KLC1: variants seen among roughly 807,000 people sequenced by gnomAD.
KLC1 encodes kinesin light chain 1, also known as kinesin 2 60/70kDa.
A neutral mutation model predicts 84.2 loss-of-function variants in KLC1; 30 were observed. The ratio of observed to expected loss-of-function variants is 0.36; its 90% CI spans 0.27 to 0.48. KLC1 has a LOEUF of 0.48. Ranked by LOEUF, KLC1 falls within the 20% of genes least tolerant of loss-of-function variation. The pLI is 0.99. For synonymous variants in KLC1, 289 were observed against 293.3 expected (o/e 0.99, Z 0.15); for missense variants, 499 against 805.4 (o/e 0.62, Z 4.60).
Position 103,694,544 on chromosome 14 carries a change from C to T in KLC1, c.1848+2119C>T, listed in dbSNP as rs1028548807. On this transcript the variant is annotated intron_variant, in intron 15 of 16. Transcript: ENST00000334553. This position sits in a 1 kb window ranked among gnomAD's most constrained non-coding sequence, Gnocchi z 4.5. ...TCAAATCAATGCTGAGGCTGTATTT[C>T]TTAGCCGTCCACAAACTAGTCCATA... 2.0e-6 allele frequency: 2 copies of T among 985,504 alleles called. No individual in the cohort carries two copies. Among genetic ancestry groups the T allele is most frequent in the East Asian group, 2.3e-4 (2 of 8,818 alleles). The allele number at this position is 985,504 out of a possible 1,614,324, so 61.0% of individuals were successfully genotyped here. A position where few individuals can be genotyped will look rare whatever the true frequency, so the allele number is the denominator to read the frequency against.
chr14:103,699,357 T>C (rs1370603909), intron 15 of KLC1: 14 of 1,598,118 alleles, frequency 8.8e-6, no homozygotes, highest in Non-Finnish European at 1.1e-5. Context: ...CCTGCCTTGG[T>C]GCTCACCTGG....
intron 2 of KLC1, among the ~76,000 whole-genome samples, chr14:103,655,417 C>T (rs2078757687): frequency 6.6e-6 from 1 of 151,644 alleles, no homozygotes; most frequent in Non-Finnish European, 1.5e-5. Context: ...ATTCTCCTGC[C>T]TCAGCCTCCC....
intron 2 of KLC1, 56 bp from the exon 3 acceptor site, chr14:103,657,490 G>C: frequency 7.1e-7 from 1 of 1,418,210 alleles, no homozygotes. Context: ...GCACGGGTGG[G>C]AGGGACTCTT....
chr14:103,630,472 C>T (rs2076588698), intron 1 of KLC1, among the ~76,000 whole-genome samples: 1 of 152,094 alleles, frequency 6.6e-6, no homozygotes, highest in African/African-American at 2.4e-5. Flanking sequence ...TATACTATTT[C>T]AGGTGTTCTG....
At chr14:103,685,076 C>T (rs2081671823) in intron 13 of KLC1, 48 of 1,541,930 alleles carry the variant, frequency 3.1e-5, no homozygotes, top group Non-Finnish European at 4.1e-5. Flanking sequence ...TGCCGTCTGG[C>T]GCTTCTGTCG....
chr14:103,672,910 C>T (rs768314846), intron 7 of KLC1, 104 bp from the exon 8 acceptor site: 66 of 977,654 alleles, frequency 6.8e-5, no homozygotes, highest in Non-Finnish European at 9.7e-5. Flanking sequence ...AAGTGTAGCA[C>T]AGTCGTGCTT....
rs1734806 is a variant in KLC1 at position 103,696,106 on chromosome 14, C to T, written c.1848+3681C>T. 1.7e-5 allele frequency: 11 copies of T among 663,512 alleles called. No homozygotes were observed. The South Asian group carries it at 4.1e-4, about 24-fold the overall frequency. The allele number at this position is 663,512 out of a possible 1,614,324, so 41.1% of individuals were successfully genotyped here. A position where few individuals can be genotyped will look rare whatever the true frequency, so the allele number is the denominator to read the frequency against. On this transcript the variant is annotated intron_variant, in intron 15 of 16. Coordinates refer to ENST00000334553, the MANE Select transcript of KLC1 (RefSeq NM_001394837.1). Reference sequence around the variant, plus strand: ...ATAATCACTGCGCCCCCGCCCCCCGCCCCCCCCCACAGCAGCCGTGTGTGC... The same window carrying T: ...ATAATCACTGCGCCCCCGCCCCCCGTCCCCCCCCACAGCAGCCGTGTGTGC...
At chr14:103,675,486 A>G in intron 9 of KLC1, 66 bp from the exon 10 acceptor site, 1 of 1,384,648 alleles carries the variant, frequency 7.2e-7, no homozygotes, top group East Asian at 2.3e-5. Context: ...TTCCCCTTAG[A>G]GCAGTTCAGA....
chr14:103,679,920 C>T (rs1002572598), intron 13 of KLC1: 2 of 182,552 alleles, frequency 1.1e-5, no homozygotes, highest in Non-Finnish European at 2.3e-5. Context: ...ACTTCACTGA[C>T]CAGGCTGCTC....
Position 103,673,443 on chromosome 14 carries a change from A to G in KLC1, c.1261+12A>G. The G allele has an allele frequency of 6.7e-7, 1 of 1,495,850 alleles. No individual in the cohort carries two copies. Among genetic ancestry groups the G allele is most frequent in the South Asian group, 1.2e-5 (1 of 83,970 alleles). The allele number at this position is 1,495,850 out of a possible 1,614,324, so 92.7% of individuals were successfully genotyped here. A position where few individuals can be genotyped will look rare whatever the true frequency, so the allele number is the denominator to read the frequency against. On this transcript the variant is annotated intron_variant, in intron 9 of 16. Coordinates refer to ENST00000334553, the MANE Select transcript of KLC1 (RefSeq NM_001394837.1). ...TGGTTCTGTAGATGGTAAGAAATAT[A>G]CTCCCGTTTCAAGTGAATTTAATTG...
Position 103,693,618 on chromosome 14 carries a change from A to G in KLC1, c.1848+1193A>G. 6.5e-7 allele frequency: 1 copy of G among 1,535,828 alleles called. No individual in the cohort carries two copies. The highest frequency in any genetic ancestry group is 8.7e-7 in the Non-Finnish European group (1 of 1,146,828). ...CCAGCCACACTGACCTGGCCCACTG[A>G]GAGCCAGCAGGGCTAGGTAACCTGT... On this transcript the variant is annotated intron_variant, in intron 15 of 16. Coordinates refer to ENST00000334553, the MANE Select transcript of KLC1 (RefSeq NM_001394837.1). This position sits in a 1 kb window ranked among gnomAD's most constrained non-coding sequence, Gnocchi z 5.1.
intron 3 of KLC1, among the ~76,000 whole-genome samples, chr14:103,658,365 A>G (rs1440323968): frequency 6.8e-6 from 1 of 146,554 alleles, no homozygotes; most frequent in African/African-American, 2.5e-5. Flanking sequence ...GGTTCATGTG[A>G]TTCTCCTGCC....
intron 14 of KLC1, among the ~76,000 whole-genome samples, chr14:103,689,854 G>T (rs1005286332): frequency 2.0e-5 from 3 of 152,170 alleles, no homozygotes; most frequent in Non-Finnish European, 4.4e-5. Flanking sequence ...CGTAAAAGGG[G>T]GTTTGAGGGA....
At chr14:103,688,818 T>C (rs1326675910) in intron 14 of KLC1, among the ~76,000 whole-genome samples, 1 of 152,190 alleles carries the variant, frequency 6.6e-6, no homozygotes, top group Non-Finnish European at 1.5e-5. Context: ...ATCCCAAGGA[T>C]TTGAAGACTG....
In KLC1 at chr14:103,701,366, G is replaced by C. The variant is rs2151924954; in HGVS notation, c.*167G>C. Reference sequence around the variant, plus strand: ...CATGATACTAATAACCACACGGCTGGCGTGACCTTGGGGCTGGGGCTGGGC... The same window carrying C: ...CATGATACTAATAACCACACGGCTGCCGTGACCTTGGGGCTGGGGCTGGGC... On this transcript the variant is annotated 3_prime_UTR_variant, in exon 17 of 17. Coordinates refer to ENST00000334553, the MANE Select transcript of KLC1 (RefSeq NM_001394837.1). The C allele has an allele frequency of 1.4e-6, 1 of 708,548 alleles. No homozygotes were observed. The highest frequency in any genetic ancestry group is 2.9e-5 in the East Asian group (1 of 34,446). 43.9% of individuals were successfully genotyped at this position (708,548 alleles called of 1,614,324 possible). A position where few individuals can be genotyped will look rare whatever the true frequency, so the allele number is the denominator to read the frequency against.
At chr14:103,684,663 C>G (rs888778096) in intron 13 of KLC1, 2 of 255,612 alleles carry the variant, frequency 7.8e-6, no homozygotes, top group Non-Finnish European at 1.6e-5. Context: ...TGTCAGCTGT[C>G]AGCTTGCTAC....
intron 3 of KLC1, 42 bp from the exon 4 acceptor site, chr14:103,662,074 A>C: frequency 7.5e-7 from 1 of 1,336,548 alleles, no homozygotes; most frequent in Non-Finnish European, 1.1e-6. Flanking sequence ...GGATGTGTAT[A>C]GCACGTGTAA....
intron 2 of KLC1, among the ~76,000 whole-genome samples, chr14:103,655,253 A>G (rs184829943): frequency 1.2e-4 from 19 of 152,008 alleles, no homozygotes; most frequent in African/African-American, 4.1e-4. Flanking sequence ...AAAACAGATC[A>G]TGTGTTCTGT....
At position 103,679,513 on chromosome 14, in the gene KLC1, G is replaced by C. The variant is rs1477018695; in HGVS notation, c.1618G>C (p.Glu540Gln). 1 of 1,614,038 alleles carries C rather than the reference G, an allele frequency of 6.2e-7. No individual in the cohort carries two copies. The highest frequency in any genetic ancestry group is 1.7e-5 in the Admixed American group (1 of 60,018). ...VKYESGPDGGEEVSMSVEWNG... is the reference protein window; with the variant it reads ...VKYESGPDGGQEVSMSVEWNG... ...GTACGAGAGTGGCCCTGACGGAGGG[G>C]AGGAAGTGAGTATGAGCGTAGAGTG... Residue 540 changes from glutamate (E) to glutamine (Q), a missense_variant, in exon 13 of 17, where the codon GAG becomes CAG. By Grantham distance (29) the Glu-to-Gln change is conservative. Transcript: ENST00000334553.
Sources: allele counts gnomAD v4.1 joint callset (sites outside exome capture counted in the v4.1 genomes callset), GRCh38; gene constraint gnomAD v4.1.1; non-coding constraint Gnocchi (gnomAD v3.1); transcripts MANE v1.5; gene names NCBI Gene and HGNC (gene_info 2026-07-23, HGNC 2026-07-21).